DOK5: variants seen among roughly 807,000 people sequenced by gnomAD.
DOK5 encodes downstream of tyrosine kinase 5.
DOK5 carries 27 observed loss-of-function variants against 43.3 expected under a neutral mutation model. The ratio of observed to expected loss-of-function variants is 0.62; its 90% CI spans 0.46 to 0.86. The LOEUF (loss-of-function observed/expected upper bound fraction) is 0.86. Among genes scored for constraint, DOK5 ranks in the 40% least tolerant of loss-of-function variants. The pLI, the probability that DOK5 is intolerant of heterozygous loss-of-function variation, is 0.00. For synonymous variants in DOK5, 146 were observed against 140.1 expected (o/e 1.04, Z -0.30); for missense variants, 373 against 392.9 (o/e 0.95, Z 0.43).
intron 1 of DOK5, among the ~76,000 whole-genome samples, chr20:54,498,932 C>T (rs1005826635): frequency 5.3e-5 from 8 of 152,144 alleles, no homozygotes; most frequent in Admixed American, 3.3e-4. Flanking sequence ...CTATATGCAT[C>T]AGCATTCTGA....
At chr20:54,632,186 A>T (rs1600753117) in intron 6 of DOK5, among the ~76,000 whole-genome samples, 1 of 152,184 alleles carries the variant, frequency 6.6e-6, no homozygotes, top group Admixed American at 6.5e-5. Flanking sequence ...TTCCATGCCT[A>T]TAGTAACATC....
At chr20:54,623,204 T>C (rs988584366) in intron 6 of DOK5, among the ~76,000 whole-genome samples, 3 of 152,166 alleles carry the variant, frequency 2.0e-5, no homozygotes, top group Non-Finnish European at 4.4e-5. Context: ...CCCATTGGCA[T>C]CTGGTGGATA....
At chr20:54,566,150 T>A (rs1010415923) in intron 2 of DOK5, among the ~76,000 whole-genome samples, 1 of 151,864 alleles carries the variant, frequency 6.6e-6, no homozygotes, top group Non-Finnish European at 1.5e-5. Flanking sequence ...TTCTACAGTT[T>A]TTTTTTTCTT....
intron 6 of DOK5, among the ~76,000 whole-genome samples, chr20:54,631,423 A>G (rs1388882711): frequency 6.7e-6 from 1 of 149,742 alleles, no homozygotes; most frequent in Admixed American, 6.6e-5. Context: ...AAAAAAATAA[A>G]GAAAGAGAAG....
intron 2 of DOK5, among the ~76,000 whole-genome samples, chr20:54,571,538 G>A (rs138569425): frequency 7.9e-5 from 12 of 152,098 alleles, no homozygotes; most frequent in Non-Finnish European, 1.6e-4. Flanking sequence ...AGGACCTTTG[G>A]CAGCATCCTT....
At chr20:54,510,814 G>C (rs1016387570) in intron 1 of DOK5, among the ~76,000 whole-genome samples, 2 of 152,100 alleles carry the variant, frequency 1.3e-5, no homozygotes, top group Non-Finnish European at 2.9e-5. Flanking sequence ...CTACAAATTT[G>C]TCCACTTGAT....
At chr20:54,501,514 A>C (rs1033520932) in intron 1 of DOK5, among the ~76,000 whole-genome samples, 27 of 151,842 alleles carry the variant, frequency 1.8e-4, no homozygotes, top group Non-Finnish European at 3.7e-4. Flanking sequence ...AAAAGAAAAA[A>C]TAAATCTGGC....
At chr20:54,640,451 C>G (rs115614617) in intron 6 of DOK5, among the ~76,000 whole-genome samples, 529 of 152,318 alleles carry the variant, frequency 3.5e-3, no homozygotes, top group African/African-American at 0.012. Context: ...GGATTCTCAC[C>G]AAATGACTTC....
intron 1 of DOK5, among the ~76,000 whole-genome samples, chr20:54,538,027 C>T (rs6098054): frequency 0.025 from 3,813 of 151,426 alleles, 154 homozygotes; most frequent in African/African-American, 0.086. Context: ...TTAGTAGAGA[C>T]GGGGTTTCAC....
intron 1 of DOK5, among the ~76,000 whole-genome samples, chr20:54,504,352 A>G (rs1982727445): frequency 6.6e-6 from 1 of 152,252 alleles, no homozygotes; most frequent in Admixed American, 6.5e-5. Context: ...ATAACTAAAA[A>G]TAAATACAAT....
chr20:54,507,770 T>C (rs1198241608), intron 1 of DOK5, among the ~76,000 whole-genome samples: 2 of 152,116 alleles, frequency 1.3e-5, no homozygotes, highest in East Asian at 3.8e-4. Flanking sequence ...CTTCTTATGA[T>C]AATTAAAAGC....
At chr20:54,513,462 C>CAAAAAAAAAAAAAAAA (rs1011871917) in intron 1 of DOK5, among the ~76,000 whole-genome samples, 1 of 24,624 alleles carries the variant, frequency 4.1e-5, no homozygotes, top group Non-Finnish European at 9.9e-5. Context: ...ATACTCTGAG[C>CAAAAAAAAAAAAAAAA]AAAAAAAAAA....
chr20:54,547,027 TCAAA>T (rs1984371291), intron 1 of DOK5, among the ~76,000 whole-genome samples: 3 of 152,290 alleles, frequency 2.0e-5, no homozygotes, highest in South Asian at 4.1e-4. Context: ...GAGAGACTTG[TCAAA>T]CAGATTTCTA....
At chr20:54,572,452 G>T (rs541700585) in intron 2 of DOK5, among the ~76,000 whole-genome samples, 2 of 152,040 alleles carry the variant, frequency 1.3e-5, no homozygotes, top group African/African-American at 4.8e-5. Flanking sequence ...GTGAGCCACC[G>T]CATCCGGCCG....
chr20:54,623,433 G>A (rs1305996829), intron 6 of DOK5, among the ~76,000 whole-genome samples: 14 of 152,012 alleles, frequency 9.2e-5, no homozygotes, highest in Admixed American at 9.2e-4. Context: ...TGTTTGCCTT[G>A]TTCACATCAT....
chr20:54,478,218 G>A (rs1391695673), intron 1 of DOK5, among the ~76,000 whole-genome samples: 1 of 152,188 alleles, frequency 6.6e-6, no homozygotes, highest in Non-Finnish European at 1.5e-5. Flanking sequence ...ATTTACAAAA[G>A]AGGCTGATTA....
intron 1 of DOK5, among the ~76,000 whole-genome samples, chr20:54,505,746 A>G (rs6023316): frequency 0.033 from 4,980 of 152,234 alleles, 274 homozygotes; most frequent in African/African-American, 0.11. Flanking sequence ...CATCAGAGCC[A>G]TGTGGACACA....
chr20:54,644,716 A>AC (rs1030730479), intron 7 of DOK5, among the ~76,000 whole-genome samples: 7 of 148,270 alleles, frequency 4.7e-5, no homozygotes, highest in African/African-American at 1.5e-4. Flanking sequence ...AAAAAAAAAA[A>AC]AAAAAAAACA....
chr20:54,488,403 T>A (rs991051801), intron 1 of DOK5, among the ~76,000 whole-genome samples: 6 of 152,248 alleles, frequency 3.9e-5, no homozygotes, highest in Non-Finnish European at 7.3e-5. Context: ...TGACTTGCCT[T>A]GACTACAACA....
Sources: gnomAD v4.1 joint callset for allele counts (sites outside exome capture counted in the v4.1 genomes callset) on GRCh38, gnomAD v4.1.1 for gene constraint, MANE v1.5 for transcripts, NCBI Gene and HGNC (gene_info 2026-07-23, HGNC 2026-07-21) for gene names.